The following CTNNA1 variants were observed in gnomAD, a reference collection of about 807,000 sequenced individuals.
CTNNA1 encodes the protein catenin alpha-1.
A neutral mutation model predicts 98.4 loss-of-function variants in CTNNA1; 37 were observed. The ratio of observed to expected loss-of-function variants is 0.38; its 90% CI spans 0.29 to 0.49. The LOEUF is 0.49. CTNNA1 is among the 20% of genes least tolerant of loss of function. The pLI, the probability that CTNNA1 is intolerant of heterozygous loss-of-function variation, is 0.95. For synonymous variants in CTNNA1, 404 were observed against 413.2 expected (o/e 0.98, Z 0.27); for missense variants, 761 against 1,147.2 (o/e 0.66, Z 4.86).
At chr5:138,810,318 A>G (rs1166194074) in intron 4 of CTNNA1, 114 bp downstream of exon 4, 2 of 1,098,814 alleles carry the variant, frequency 1.8e-6, no homozygotes, top group African/African-American at 3.1e-5. Flanking sequence ...GGTTTATCTC[A>G]ATGGACCAGA....
At chr5:138,865,520 A>G (rs969505567) in intron 7 of CTNNA1, among the ~76,000 whole-genome samples, 3 of 152,200 alleles carry the variant, frequency 2.0e-5, no homozygotes, top group Admixed American at 6.5e-5. Context: ...AGCGAAACCA[A>G]TGTGCTGCTT....
In CTNNA1 at chr5:138,921,851, C is replaced by T. The variant is rs1762980519; in HGVS notation, c.1547-2659C>T. ...CCTGACCTCGTGATCTGCCCGCCCT[C>T]AGCCTTCCAAAGTGCTGGGATTACA... is the stretch of plus-strand genomic sequence containing the variant. On this transcript the variant is annotated intron_variant, in intron 11 of 17. Coordinates refer to ENST00000302763, the MANE Select transcript of CTNNA1 (RefSeq NM_001903.5). Among the ~76,000 whole-genome samples, 7 of 151,848 alleles carry T rather than the reference C, an allele frequency of 4.6e-5. No homozygotes were observed. The South Asian group carries it at 1.5e-3, about 32-fold the overall frequency.
Position 138,781,920 on chromosome 5 carries a change from T to C in CTNNA1, c.-2-3T>C, listed in dbSNP as rs562241462. On this transcript the variant is annotated splice_polypyrimidine_tract_variant and splice_region_variant and intron_variant, in intron 1 of 17. Coordinates refer to ENST00000302763, the MANE Select transcript of CTNNA1 (RefSeq NM_001903.5). ...CCTGACTGACTTTTTGTTTCTTATT[T>C]AGAAATGACTGCTGTCCATGCAGGC... is the stretch of plus-strand genomic sequence containing the variant. 1 of 1,574,458 alleles carries C rather than the reference T, an allele frequency of 6.4e-7. No individual in the cohort carries two copies. Among genetic ancestry groups the C allele is most frequent in the Non-Finnish European group, 8.6e-7 (1 of 1,169,372 alleles).
At chr5:138,828,436 C>CT (rs1413274009) in intron 7 of CTNNA1, among the ~76,000 whole-genome samples, 1 of 152,012 alleles carries the variant, frequency 6.6e-6, no homozygotes, top group Non-Finnish European at 1.5e-5. Flanking sequence ...ATATGTCTTT[C>CT]TTTTTTTCCT....
intron 13 of CTNNA1, among the ~76,000 whole-genome samples, chr5:138,926,641 C>G (rs761267199): frequency 6.6e-6 from 1 of 152,208 alleles, no homozygotes; most frequent in African/African-American, 2.4e-5. Context: ...ATCCCTTGCA[C>G]GTCTTTGTAC....
rs550103912 is a variant in CTNNA1 at position 138,929,801 on chromosome 5, T to C, written c.2010+445T>C. Among the ~76,000 whole-genome samples the C allele has an allele frequency of 2.0e-5, 3 of 152,334 alleles. No individual in the cohort carries two copies. In the South Asian group the frequency reaches 6.2e-4, roughly 32 times the overall value. ...TTCATTTGAGTCATTAAATCTTCAATCAATAGCATTTATGTTTTGGGGAGG... is the reference window on the plus strand; with the variant it reads ...TTCATTTGAGTCATTAAATCTTCAACCAATAGCATTTATGTTTTGGGGAGG... On this transcript the variant is annotated intron_variant, in intron 14 of 17. Coordinates refer to ENST00000302763, the MANE Select transcript of CTNNA1 (RefSeq NM_001903.5).
chr5:138,798,802 C>T (rs1471632337), intron 3 of CTNNA1, among the ~76,000 whole-genome samples: 1 of 152,038 alleles, frequency 6.6e-6, no homozygotes, highest in Non-Finnish European at 1.5e-5. Context: ...GTTTCATCTC[C>T]TTTGTTAGTA....
intron 7 of CTNNA1, among the ~76,000 whole-genome samples, chr5:138,835,375 T>G (rs183552636): frequency 1.3e-5 from 2 of 152,358 alleles, no homozygotes; most frequent in East Asian, 3.9e-4. Flanking sequence ...AGTTTTGTTA[T>G]ACAGTTATGG....
chr5:138,765,682 G>A (rs1274248444), intron 1 of CTNNA1, among the ~76,000 whole-genome samples: 1 of 152,036 alleles, frequency 6.6e-6, no homozygotes, highest in African/African-American at 2.4e-5. Flanking sequence ...TGGGCGAGGT[G>A]GCTCATGCCT....
rs562960503 is a variant in CTNNA1, at chr5:138,873,938, C to T, written c.1063-12274C>T. ...CTGGTTGTGCTCTAGGTGAAGCTCT[C>T]TCAGTTTAATTAATCCTGCAAATCC... On this transcript the variant is annotated intron_variant, in intron 7 of 17. Coordinates refer to ENST00000302763, the MANE Select transcript of CTNNA1 (RefSeq NM_001903.5). This position sits in a 1 kb window ranked among gnomAD's most constrained non-coding sequence, Gnocchi z 6.1. 3.5e-5 allele frequency: 57 copies of T among 1,614,010 alleles called. No homozygotes were observed. In the East Asian group the frequency reaches 1.2e-3, roughly 35 times the overall value.
chr5:138,879,171 T>TAA (rs35271091), intron 7 of CTNNA1, among the ~76,000 whole-genome samples: 4,285 of 80,196 alleles, frequency 0.053, 410 homozygotes, highest in African/African-American at 0.18. Context: ...ACTCCGTCTT[T>TAA]AAAAAAAAAA....
intron 7 of CTNNA1, among the ~76,000 whole-genome samples, chr5:138,846,370 A>G (rs530189022): frequency 6.6e-6 from 1 of 152,362 alleles, no homozygotes; most frequent in Non-Finnish European, 1.5e-5. Context: ...CAATGGGTGA[A>G]TTTTAGGTGA....
intron 9 of CTNNA1, among the ~76,000 whole-genome samples, chr5:138,893,357 G>A (rs77875842): frequency 0.011 from 1,692 of 152,106 alleles, 26 homozygotes; most frequent in African/African-American, 0.039. Context: ...GCTGCTCAGT[G>A]TCATCATGTT....
At chr5:138,756,414 G>T (rs1004349199) in intron 1 of CTNNA1, among the ~76,000 whole-genome samples, 1 of 151,942 alleles carries the variant, frequency 6.6e-6, no homozygotes, top group Non-Finnish European at 1.5e-5. Context: ...TGATCCACTC[G>T]CCTCAGCCTC....
chr5:138,755,465 C>A (rs1751529344), intron 1 of CTNNA1, among the ~76,000 whole-genome samples: 1 of 152,130 alleles, frequency 6.6e-6, no homozygotes. Context: ...TTTCCTCGCC[C>A]TCACTCTTTC....
intron 10 of CTNNA1, among the ~76,000 whole-genome samples, chr5:138,909,339 T>G (rs528332720): frequency 7.9e-5 from 12 of 151,978 alleles, no homozygotes; most frequent in African/African-American, 2.9e-4. Flanking sequence ...TTATCTACAT[T>G]TTTTTCTTTC....
intron 13 of CTNNA1, among the ~76,000 whole-genome samples, chr5:138,928,703 G>A (rs1478277629): frequency 6.6e-6 from 1 of 152,186 alleles, no homozygotes; most frequent in Non-Finnish European, 1.5e-5. Flanking sequence ...GGAGGCCAGG[G>A]CAGGCAGATC....
At chr5:138,756,570 T>C (rs1751675648) in intron 1 of CTNNA1, among the ~76,000 whole-genome samples, 1 of 152,148 alleles carries the variant, frequency 6.6e-6, no homozygotes, top group Admixed American at 6.5e-5. Context: ...AACAGGGCCC[T>C]CTGCATTTGT....
At chr5:138,921,596 ATTT>A (rs386405098) in intron 11 of CTNNA1, among the ~76,000 whole-genome samples, 1 of 104,038 alleles carries the variant, frequency 9.6e-6, no homozygotes, top group African/African-American at 4.1e-5. Context: ...ATTAGTGGTG[ATTT>A]TTTTTTTTTT....
Sources: allele counts gnomAD v4.1 joint callset (sites outside exome capture counted in the v4.1 genomes callset), GRCh38; gene constraint gnomAD v4.1.1; non-coding constraint Gnocchi (gnomAD v3.1); transcripts MANE v1.5; gene names NCBI Gene and HGNC (gene_info 2026-07-23, HGNC 2026-07-21).